GAPDHS: variants seen among roughly 807,000 people sequenced by gnomAD.
The protein encoded by GAPDHS is glyceraldehyde-3-phosphate dehydrogenase, testis-specific.
In GAPDHS, 42 loss-of-function variants were observed where a neutral mutation model predicts 48.7. The observed-to-expected ratio is 0.86, with a 90% CI of 0.67 to 1.12. The LOEUF (loss-of-function observed/expected upper bound fraction) is 1.12. GAPDHS is among the 50% of genes most tolerant of loss of function. The pLI is 0.00. For missense variants in GAPDHS, 512 were observed against 557.7 expected (o/e 0.92, Z 0.82); for synonymous variants, 166 against 219.1 (o/e 0.76, Z 2.14).
At chr19:35,534,193 G>A (rs561035975) in intron 1 of GAPDHS, among the ~76,000 whole-genome samples, 73 of 137,012 alleles carry the variant, frequency 5.3e-4, no homozygotes, top group East Asian at 1.8e-3. Context: ...CCGCGCGCGC[G>A]CACACACACA....
intron 5 of GAPDHS, 25 bp from the exon 6 acceptor site, chr19:35,542,465 C>G (rs746849345): frequency 1.3e-6 from 2 of 1,588,244 alleles, no homozygotes; most frequent in South Asian, 2.2e-5. Flanking sequence ...GCCAGAAGCC[C>G]CTGACACCTG....
chr19:35,538,451 G>GGT, intron 3 of GAPDHS, 48 bp downstream of exon 3: 1 of 746,746 alleles, frequency 1.3e-6, no homozygotes. Context: ...ACTGGGGTGG[G>GGT]AAAGGGACTC....
At position 35,542,427 on chromosome 19, in the gene GAPDHS, G is replaced by A. The variant is rs2071510454; in HGVS notation, c.540+18G>A. On this transcript the variant is annotated intron_variant, in intron 5 of 10. Coordinates refer to ENST00000222286, the MANE Select transcript of GAPDHS (RefSeq NM_014364.5). The stretch of plus-strand genomic sequence containing the variant: ...CAGCTTCGGTAAGCTGGGGAGAGGT[G>A]CCCAGGGCTAGCTGGGGGGATGATG... 6.2e-7 allele frequency: 1 copy of A among 1,603,118 alleles called. No homozygotes were observed. Among genetic ancestry groups the A allele is most frequent in the East Asian group, 2.2e-5 (1 of 44,838 alleles).
intron 4 of GAPDHS, among the ~76,000 whole-genome samples, chr19:35,540,160 G>A (rs1040146781): frequency 2.6e-5 from 4 of 152,248 alleles, no homozygotes; most frequent in South Asian, 2.1e-4. Context: ...CTGGGAGCAC[G>A]AATGGAGTGA....
intron 8 of GAPDHS, 25 bp from the exon 9 acceptor site, chr19:35,543,640 C>A (rs995325985): frequency 2.5e-6 from 4 of 1,610,700 alleles, no homozygotes; most frequent in Non-Finnish European, 3.4e-6. Context: ...GTTCTGACTC[C>A]TGTTCCTCAT....
At chr19:35,535,702 A>C (rs1298053950) in intron 1 of GAPDHS, among the ~76,000 whole-genome samples, 1 of 151,578 alleles carries the variant, frequency 6.6e-6, no homozygotes, top group Non-Finnish European at 1.5e-5. Context: ...TGCTGATTAA[A>C]AACAGGATTT....
Position 35,537,379 on chromosome 19 carries a change from G to A in GAPDHS, c.245+389G>A, listed in dbSNP as rs75660043. ...GGGGAAGGAGTCTTCCAGGCAGCGGGACAAGCAATGATTCTGGGGCAGAGG... is the reference window on the plus strand; with the variant it reads ...GGGGAAGGAGTCTTCCAGGCAGCGGAACAAGCAATGATTCTGGGGCAGAGG... On this transcript the variant is annotated intron_variant, in intron 2 of 10. Transcript: ENST00000222286. Among the ~76,000 whole-genome samples the A allele has an allele frequency of 4.4e-3, 672 of 152,250 alleles. 5 individuals carry two copies. Among genetic ancestry groups the A allele is most frequent in the African/African-American group, 0.015 (635 of 41,544 alleles).
Position 35,533,504 on chromosome 19 carries a change from C to G in GAPDHS, c.-24C>G, listed in dbSNP as rs1568679798. 1.2e-6 allele frequency: 2 copies of G among 1,608,186 alleles called. No individual in the cohort carries two copies. Among genetic ancestry groups the G allele is most frequent in the Admixed American group, 1.7e-5 (1 of 59,994 alleles). On this transcript the variant is annotated 5_prime_UTR_variant, in exon 1 of 11. Coordinates refer to ENST00000222286, the MANE Select transcript of GAPDHS (RefSeq NM_014364.5). ...TCGGTAACATCACAGCAGGTCCAGG[C>G]CAATGATAACCTTATAAGAGGCCAT...
chr19:35,545,050 G>A (rs368065982), intron 10 of GAPDHS, 44 bp downstream of exon 10: 74 of 1,603,458 alleles, frequency 4.6e-5, no homozygotes, highest in Admixed American at 4.5e-4. Flanking sequence ...GGGAACTAAG[G>A]GGTGGTCGGA....
intron 9 of GAPDHS, chr19:35,544,158 C>T (rs552805201): frequency 3.0e-5 from 7 of 231,686 alleles, no homozygotes; most frequent in Non-Finnish European, 4.2e-5. Flanking sequence ...GGTGTGTGCA[C>T]TCCAAGAAAA....
rs543037892 is a variant in GAPDHS at position 35,544,979 on chromosome 19, A to G, written c.1127A>G (p.Asn376Ser). 11 of 1,613,860 alleles carry G rather than the reference A, an allele frequency of 6.8e-6. No individual in the cohort carries two copies. The highest frequency in any genetic ancestry group is 5.3e-5 in the African/African-American group (4 of 75,036). ...IFDAKAGIAL[N>S]DNFVKLISWY... ...GATGCTAAGGCCGGCATTGCGCTCA[A>G]TGACAATTTCGTGAAGCTCATTTCA... The change falls in exon 10 of 11, where the codon AAT becomes AGT. Residue 376 changes from asparagine (N) to serine (S), a missense_variant. Asn to Ser is a conservative substitution (Grantham distance 46). Transcript: ENST00000222286.
At chr19:35,535,857 C>A (rs1420771328) in intron 1 of GAPDHS, among the ~76,000 whole-genome samples, 1 of 151,676 alleles carries the variant, frequency 6.6e-6, no homozygotes, top group Middle Eastern at 3.2e-3. Context: ...GCACCCTCCG[C>A]CTCCCAGGTT....
In GAPDHS at chr19:35,533,474, G is replaced by A; in HGVS notation, c.-54G>A. 2.0e-6 allele frequency: 3 copies of A among 1,508,470 alleles called. No homozygotes were observed. The highest frequency in any genetic ancestry group is 1.1e-5 in the South Asian group (1 of 88,996). The allele number at this position is 1,508,470 out of a possible 1,614,324, so 93.4% of individuals were successfully genotyped here. A position where few individuals can be genotyped will look rare whatever the true frequency, so the allele number is the denominator to read the frequency against. ...GACCCACAGCCCTGGCGCTCCGCAC[G>A]CACCTCGGTAACATCACAGCAGGTC... On this transcript the variant is annotated 5_prime_UTR_variant, in exon 1 of 11. Transcript: ENST00000222286.
Position 35,533,613 on chromosome 19 carries a change from G to A in GAPDHS, c.67+19G>A, listed in dbSNP as rs1184648850. ...TGCCCGGGTGAGGGAGGCAGCGGAG[G>A]GCGCGGGGGAGGGGTGGAAAGGGTA... On this transcript the variant is annotated intron_variant, in intron 1 of 10. Transcript: ENST00000222286. 1 of 1,600,030 alleles carries A rather than the reference G, an allele frequency of 6.2e-7. No individual in the cohort carries two copies. The highest frequency in any genetic ancestry group is 1.1e-5 in the South Asian group (1 of 90,424).
intron 9 of GAPDHS, 67 bp downstream of exon 9, chr19:35,543,894 G>A: frequency 6.8e-7 from 1 of 1,480,324 alleles, no homozygotes; most frequent in Non-Finnish European, 8.9e-7. Flanking sequence ...CCACTTGCCA[G>A]GGAGCTGCTC....
chr19:35,544,927 C>T lies in GAPDHS; in HGVS notation c.1075C>T (p.Leu359Phe). Residue 359 changes from leucine (L) to phenylalanine (F), a missense_variant, in exon 10 of 11, where the codon CTC becomes TTC. Physicochemically the swap from Leu to Phe is conservative, Grantham distance 22. Coordinates refer to ENST00000222286, the MANE Select transcript of GAPDHS (RefSeq NM_014364.5). ...CTTCCAGGTCGTCTCTACGGACTTCCTCGGTGATACCCACTCGTCCATCTT... is the reference window on the plus strand; with the variant it reads ...CTTCCAGGTCGTCTCTACGGACTTCTTCGGTGATACCCACTCGTCCATCTT... ...TEDEVVSTDF[L>F]GDTHSSIFDA... 6.2e-7 allele frequency: 1 copy of T among 1,612,776 alleles called. No individual in the cohort carries two copies. The highest frequency in any genetic ancestry group is 2.2e-5 in the East Asian group (1 of 44,890).
Position 35,544,934 on chromosome 19 carries a change from A to T in GAPDHS, c.1082A>T (p.Asp361Val). 6.2e-7 allele frequency: 1 copy of T among 1,613,308 alleles called. No homozygotes were observed. Among genetic ancestry groups the T allele is most frequent in the Non-Finnish European group, 8.5e-7 (1 of 1,179,196 alleles). The change falls in exon 10 of 11, where the codon GAT (aspartate) becomes GTT (valine). Residue 361 changes from aspartate (D) to valine (V), a missense_variant. Transcript: ENST00000222286. ...GTCGTCTCTACGGACTTCCTCGGTG[A>T]TACCCACTCGTCCATCTTCGATGCT... ...DEVVSTDFLG[D>V]THSSIFDAKA...
Position 35,542,184 on chromosome 19 carries a change from G to C in GAPDHS, c.450-135G>C, listed in dbSNP as rs1016409202. 14 of 653,332 alleles carry C rather than the reference G, an allele frequency of 2.1e-5. No homozygotes were observed. The African/African-American group carries it at 2.1e-4, about 10-fold the overall frequency. 40.5% of individuals were successfully genotyped at this position (653,332 alleles called of 1,614,324 possible). Reference sequence around the variant, plus strand: ...GGGTGGAGCCCATCTGGAACAAGTAGGTGTGTGGGGTAGGGGACGCAGGTG... The same window carrying C: ...GGGTGGAGCCCATCTGGAACAAGTACGTGTGTGGGGTAGGGGACGCAGGTG... On this transcript the variant is annotated intron_variant, in intron 4 of 10. Coordinates refer to ENST00000222286, the MANE Select transcript of GAPDHS (RefSeq NM_014364.5).
In GAPDHS at chr19:35,545,031, TAGAG is replaced by T. The variant is rs537202499; in HGVS notation, c.1154+26_1154+29del. 3.8e-4 allele frequency: 606 copies of T among 1,606,398 alleles called. 11 individuals carry two copies. The South Asian group carries it at 5.0e-3, about 13-fold the overall frequency. On this transcript the variant is annotated intron_variant, in intron 10 of 10. Coordinates refer to ENST00000222286, the MANE Select transcript of GAPDHS (RefSeq NM_014364.5). ...GGTAAGGGGGAAGGAGCTGGAGACT[TAGAG>T]GGAGGGGAACTAAGGGGTGGTCGGA...
Sources: gnomAD v4.1 joint callset for allele counts (sites outside exome capture counted in the v4.1 genomes callset) on GRCh38, gnomAD v4.1.1 for gene constraint, MANE v1.5 for transcripts, NCBI Gene and HGNC (gene_info 2026-07-23, HGNC 2026-07-21) for gene names.